Variants in ASIC2 observed in about 807,000 individuals in gnomAD.
ASIC2 encodes the protein acid sensing ion channel subunit 2.
A neutral mutation model predicts 57.3 loss-of-function variants in ASIC2; 25 were observed. The ratio of observed to expected loss-of-function variants is 0.44; its 90% CI spans 0.32 to 0.61. The LOEUF (loss-of-function observed/expected upper bound fraction) is 0.61. Among genes scored for constraint, ASIC2 ranks in the 20% least tolerant of loss-of-function variants. ASIC2 has a pLI of 0.06. For synonymous variants in ASIC2, 319 were observed against 307.5 expected, an observed-to-expected ratio of 1.04 and a Z score of -0.39; for missense variants, 641 against 738.1, an observed-to-expected ratio of 0.87 and a Z score of 1.52.
At position 33,525,488 on chromosome 17, in the gene ASIC2, G is replaced by A. The variant is rs59491435; in HGVS notation, c.556-413421C>T. Among the ~76,000 whole-genome samples the A allele has an allele frequency of 2.1e-3, 322 of 152,334 alleles. 1 individual carries two copies. The highest frequency in any genetic ancestry group is 7.5e-3 in the African/African-American group (310 of 41,584). On this transcript the variant is annotated intron_variant, in intron 1 of 9. Coordinates refer to the ASIC2 transcript ENST00000359872. ...GGAAACCCTCACCGTCAAGGTCAGA[G>A]CAATAAAACTGACAGGGGTCTTAGT... is the stretch of plus-strand genomic sequence containing the variant.
intron 1 of ASIC2, among the ~76,000 whole-genome samples, chr17:33,638,509 G>A (rs891422616): frequency 6.6e-6 from 1 of 152,136 alleles, no homozygotes; most frequent in Non-Finnish European, 1.5e-5. Context: ...GATGTAACGC[G>A]GAGTAGAACC....
chr17:33,743,502 T>C (rs868659882), intron 1 of ASIC2, among the ~76,000 whole-genome samples: 2 of 152,384 alleles, frequency 1.3e-5, no homozygotes, highest in South Asian at 4.1e-4. Flanking sequence ...ATTCTGGATG[T>C]TTCTATGAGG....
At chr17:34,090,991 G>T (rs1347760878) in intron 1 of ASIC2, among the ~76,000 whole-genome samples, 1 of 152,204 alleles carries the variant, frequency 6.6e-6, no homozygotes, top group Non-Finnish European at 1.5e-5. Flanking sequence ...AGCTTGAGTT[G>T]CTCCATCAGC....
intron 1 of ASIC2, among the ~76,000 whole-genome samples, chr17:33,938,087 G>A (rs773720971): frequency 7.3e-4 from 111 of 152,192 alleles, no homozygotes; most frequent in Non-Finnish European, 1.3e-3. Context: ...AGGGCAGGAG[G>A]GTTTTTCTGA....
At chr17:33,898,220 C>CTTTTTT (rs771624171) in intron 1 of ASIC2, among the ~76,000 whole-genome samples, 2,076 of 66,104 alleles carry the variant, frequency 0.031, 610 homozygotes, top group Non-Finnish European at 0.041. Context: ...CATGTATAAT[C>CTTTTTT]TTTTTTTTTT....
At chr17:33,151,821 T>C (rs144175729) in intron 1 of ASIC2, among the ~76,000 whole-genome samples, 27 of 152,292 alleles carry the variant, frequency 1.8e-4, no homozygotes, top group South Asian at 4.2e-4. Flanking sequence ...CTGTAAGAAA[T>C]AAATCTCTGT....
chr17:33,660,344 A>G (rs1306637602), intron 1 of ASIC2, among the ~76,000 whole-genome samples: 1 of 151,394 alleles, frequency 6.6e-6, no homozygotes, highest in Non-Finnish European at 1.5e-5. Context: ...TAAACTTTTT[A>G]ATTAAAAAAA....
chr17:33,191,772 T>C (rs1258928122), intron 1 of ASIC2, among the ~76,000 whole-genome samples: 1 of 152,148 alleles, frequency 6.6e-6, no homozygotes, highest in African/African-American at 2.4e-5. Flanking sequence ...CTTGTTCACA[T>C]TGGTAGGAAG....
chr17:33,956,972 G>A (rs911208028), intron 1 of ASIC2, among the ~76,000 whole-genome samples: 4 of 152,218 alleles, frequency 2.6e-5, no homozygotes, highest in East Asian at 3.9e-4. Flanking sequence ...ACCTGGCCAT[G>A]GGCCTGGCAG....
intron 1 of ASIC2, among the ~76,000 whole-genome samples, chr17:34,065,338 G>A (rs934390306): frequency 5.3e-5 from 8 of 152,054 alleles, no homozygotes; most frequent in Middle Eastern, 3.2e-3. Context: ...AGGATGCAAC[G>A]GATGTTGGGG....
At chr17:33,597,816 C>T (rs977997957) in intron 1 of ASIC2, among the ~76,000 whole-genome samples, 1 of 152,190 alleles carries the variant, frequency 6.6e-6, no homozygotes, top group African/African-American at 2.4e-5. Flanking sequence ...AACTCTGTCT[C>T]CCGGCTCATC....
At chr17:34,100,267 T>C (rs76691299) in intron 1 of ASIC2, among the ~76,000 whole-genome samples, 4,401 of 150,868 alleles carry the variant, frequency 0.029, 228 homozygotes, top group African/African-American at 0.1. Flanking sequence ...AGTGTTATAA[T>C]AACATGTCAG....
At chr17:33,669,887 G>A (rs1266499847) in intron 1 of ASIC2, among the ~76,000 whole-genome samples, 32 of 152,200 alleles carry the variant, frequency 2.1e-4, no homozygotes, top group Admixed American at 2.1e-3. Flanking sequence ...ACAACCTACA[G>A]AGGCTTAATG....
At chr17:33,229,705 A>G (rs1390908554) in intron 1 of ASIC2, among the ~76,000 whole-genome samples, 1 of 152,220 alleles carries the variant, frequency 6.6e-6, no homozygotes. Context: ...ATGGGAGCCA[A>G]TAAATAGACG....
At chr17:33,584,643 C>A (rs1238435333) in intron 1 of ASIC2, among the ~76,000 whole-genome samples, 1 of 152,030 alleles carries the variant, frequency 6.6e-6, no homozygotes, top group Non-Finnish European at 1.5e-5. Context: ...GCCAGAAGAA[C>A]CTTATGGATG....
At chr17:34,107,948 G>A (rs1428388591) in intron 1 of ASIC2, among the ~76,000 whole-genome samples, 1 of 151,892 alleles carries the variant, frequency 6.6e-6, no homozygotes, top group Non-Finnish European at 1.5e-5. Context: ...ATCCCACCTC[G>A]CCTCACACTT....
intron 1 of ASIC2, among the ~76,000 whole-genome samples, chr17:34,095,639 A>AAT (rs1910502430): frequency 2.2e-5 from 3 of 135,602 alleles, no homozygotes; most frequent in African/African-American, 8.7e-5. Flanking sequence ...AATTTTATAT[A>AAT]TATATATATA....
intron 1 of ASIC2, among the ~76,000 whole-genome samples, chr17:33,814,471 C>T (rs1013309130): frequency 6.6e-6 from 1 of 152,130 alleles, no homozygotes; most frequent in African/African-American, 2.4e-5. Flanking sequence ...TTACAAGCAG[C>T]CTCTAATTTA....
intron 1 of ASIC2, among the ~76,000 whole-genome samples, chr17:33,570,438 G>GTGCA (rs1396275352): frequency 6.6e-6 from 1 of 152,186 alleles, no homozygotes; most frequent in African/African-American, 2.4e-5. Context: ...TAAAGGAAGG[G>GTGCA]TGCATGTTAG....
Sources: allele counts gnomAD v4.1 joint callset (sites outside exome capture counted in the v4.1 genomes callset), GRCh38; gene constraint gnomAD v4.1.1; transcripts MANE v1.5; gene names NCBI Gene and HGNC (gene_info 2026-07-23, HGNC 2026-07-21).